RFX6: variants seen among roughly 807,000 people sequenced by gnomAD.
The protein encoded by RFX6 is DNA-binding protein RFX6.
Under a neutral mutation model 110.8 loss-of-function variants are expected in RFX6, and 50 were observed. The observed-to-expected ratio is 0.45, with a 90% CI of 0.36 to 0.57. RFX6 has a LOEUF of 0.57. RFX6 is among the 20% of genes least tolerant of loss of function. The pLI, the probability that RFX6 is intolerant of heterozygous loss-of-function variation, is 0.00. For synonymous variants in RFX6, 383 were observed against 411.2 expected (o/e 0.93, Z 0.83); for missense variants, 990 against 1,127.0 (o/e 0.88, Z 1.74).
At position 116,877,473 on chromosome 6, in the gene RFX6, G is replaced by T. The variant is rs1305170504; in HGVS notation, c.198G>T (p.Pro66=). 1 of 1,562,094 alleles carries T rather than the reference G, an allele frequency of 6.4e-7. No individual in the cohort carries two copies. The highest frequency in any genetic ancestry group is 1.9e-5 in the Admixed American group (1 of 52,628). ...GCGGCGGGGAGAAAGGCGAAGACCC[G>T]GAGCTGCCGGGGGCAGTGAAATCAG... is the stretch of plus-strand genomic sequence containing the variant. ...EQGGGEKGED[P]ELPGAVKSEM... is the part of the protein sequence containing the mutation. The change falls in exon 1 of 19, where the codon CCG becomes CCT. Residue 66 remains proline, a synonymous_variant. Coordinates refer to ENST00000332958, the MANE Select transcript of RFX6 (RefSeq NM_173560.4).
chr6:116,909,091 T>C (rs1562141857), intron 6 of RFX6, among the ~76,000 whole-genome samples: 1 of 152,226 alleles, frequency 6.6e-6, no homozygotes, highest in Non-Finnish European at 1.5e-5. Flanking sequence ...ATCTTTTGAG[T>C]CTGTTTTTTT....
At chr6:116,905,556 CTTT>C (rs34779403) in intron 6 of RFX6, among the ~76,000 whole-genome samples, 1 of 141,076 alleles carries the variant, frequency 7.1e-6, no homozygotes. Context: ...AAAAGTGTTT[CTTT>C]TTTTTTTTTT....
intron 11 of RFX6, among the ~76,000 whole-genome samples, chr6:116,920,038 A>T (rs1046303015): frequency 4.6e-5 from 7 of 152,092 alleles, no homozygotes; most frequent in Non-Finnish European, 8.8e-5. Context: ...GTACATGTGC[A>T]CATCGTGCAG....
intron 9 of RFX6, 100 bp downstream of exon 9, chr6:116,916,414 G>C: frequency 3.7e-6 from 3 of 810,200 alleles, no homozygotes. Flanking sequence ...TGTTATTTAT[G>C]GCTGGATATA....
chr6:116,893,956 A>G, intron 4 of RFX6, 31 bp from the exon 5 acceptor site: 1 of 1,342,242 alleles, frequency 7.5e-7, no homozygotes. Context: ...CTCCTTCACT[A>G]ACACAGAGCT....
intron 6 of RFX6, among the ~76,000 whole-genome samples, chr6:116,896,538 G>A (rs1774948465): frequency 1.3e-5 from 2 of 151,836 alleles, no homozygotes; most frequent in Non-Finnish European, 2.9e-5. Context: ...TCTTTGGGAG[G>A]CTGAAAAATA....
At chr6:116,913,353 C>T (rs753506424) in intron 7 of RFX6, among the ~76,000 whole-genome samples, 2 of 152,198 alleles carry the variant, frequency 1.3e-5, no homozygotes, top group Non-Finnish European at 2.9e-5. Context: ...TAAGCCACCG[C>T]GCCCAGCCAG....
chr6:116,910,903 G>A (rs1775334621), intron 6 of RFX6, 32 bp from the exon 7 acceptor site: 2 of 1,334,146 alleles, frequency 1.5e-6, no homozygotes, highest in Non-Finnish European at 2.2e-6. Context: ...AGTTGATAAT[G>A]ATGTATTTGT....
chr6:116,891,601 T>C lies in RFX6; in HGVS notation c.567-2386T>C, dbSNP rs535725963. ...ATTATTTGATTTATTTCTTCTAATA[T>C]GTAAACATTTCTTTTGGTATCTTAG... is the stretch of plus-strand genomic sequence containing the variant. On this transcript the variant is annotated intron_variant, in intron 4 of 18. Coordinates refer to ENST00000332958, the MANE Select transcript of RFX6 (RefSeq NM_173560.4). Among the ~76,000 whole-genome samples the C allele has an allele frequency of 3.3e-5, 5 of 152,354 alleles. 1 individual carries two copies. In the South Asian group the frequency reaches 1.0e-3, roughly 32 times the overall value.
At chr6:116,903,644 A>T (rs1706978687) in intron 6 of RFX6, among the ~76,000 whole-genome samples, 1 of 151,296 alleles carries the variant, frequency 6.6e-6, no homozygotes, top group Non-Finnish European at 1.5e-5. Flanking sequence ...TTACAAATAG[A>T]TCTCTCAACA....
At chr6:116,895,980 C>G (rs1025939942) in intron 6 of RFX6, among the ~76,000 whole-genome samples, 3 of 152,134 alleles carry the variant, frequency 2.0e-5, no homozygotes, top group Admixed American at 6.6e-5. Flanking sequence ...CAATTTCTTT[C>G]CACCAGTGCT....
intron 12 of RFX6, among the ~76,000 whole-genome samples, chr6:116,921,376 C>A (rs975335128): frequency 2.0e-5 from 3 of 152,140 alleles, no homozygotes; most frequent in Non-Finnish European, 4.4e-5. Flanking sequence ...TTTTGGAAAG[C>A]AGGAAATCAC....
At chr6:116,898,099 G>T (rs894071258) in intron 6 of RFX6, among the ~76,000 whole-genome samples, 3 of 152,092 alleles carry the variant, frequency 2.0e-5, no homozygotes, top group Non-Finnish European at 4.4e-5. Context: ...GATTCAGGAT[G>T]AAAAAATGCT....
In RFX6 at chr6:116,877,373, T is replaced by C. The variant is rs1329855728; in HGVS notation, c.98T>C (p.Leu33Pro). The C allele has an allele frequency of 1.9e-6, 3 of 1,611,276 alleles. No homozygotes were observed. Among genetic ancestry groups the C allele is most frequent in the Middle Eastern group, 1.6e-4 (1 of 6,078 alleles). The change falls in exon 1 of 19, where the codon CTG (leucine) becomes CCG (proline). Residue 33 changes from leucine to proline, a missense_variant. Physicochemically the swap from Leu to Pro is moderately conservative, Grantham distance 98. Transcript: ENST00000332958. The stretch of plus-strand genomic sequence containing the variant: ...CAGGAAGACTGCTGTGTGCAGCTCC[T>C]GGGCAAGGGCTTGCTAGTCTATCCG... ...GIQEDCCVQL[L>P]GKGLLVYPEE...
chr6:116,907,261 A>T (rs1445913637), intron 6 of RFX6, among the ~76,000 whole-genome samples: 1 of 152,010 alleles, frequency 6.6e-6, no homozygotes. Context: ...TTGGCTTACT[A>T]ATATTTTGTG....
intron 2 of RFX6, among the ~76,000 whole-genome samples, chr6:116,879,876 T>C (rs943843794): frequency 6.6e-6 from 1 of 152,030 alleles, no homozygotes; most frequent in East Asian, 1.9e-4. Flanking sequence ...TAGTTATTTT[T>C]ATAATATAAA....
At chr6:116,906,776 G>C (rs2114684168) in intron 6 of RFX6, among the ~76,000 whole-genome samples, 1 of 150,908 alleles carries the variant, frequency 6.6e-6, no homozygotes, top group Non-Finnish European at 1.5e-5. Context: ...TAATTTTTAG[G>C]GGTTTCTACA....
At chr6:116,884,712 G>A (rs1774662560) in intron 4 of RFX6, 1 of 152,144 alleles carries the variant, frequency 6.6e-6, no homozygotes, top group African/African-American at 2.4e-5. Context: ...CTTTGAAGGA[G>A]CCTTTAGGAT....
chr6:116,922,005 T>G, intron 12 of RFX6, 37 bp from the exon 13 acceptor site: 6 of 968,816 alleles, frequency 6.2e-6, no homozygotes, highest in South Asian at 1.3e-5. Flanking sequence ...CAATATTCTG[T>G]TTTCTTTTCT....
Sources: gnomAD v4.1 joint callset for allele counts (sites outside exome capture counted in the v4.1 genomes callset) on GRCh38, gnomAD v4.1.1 for gene constraint, MANE v1.5 for transcripts, NCBI Gene and HGNC (gene_info 2026-07-23, HGNC 2026-07-21) for gene names.